SETD4: variants seen among roughly 807,000 people sequenced by gnomAD.
The protein encoded by SETD4 is SET domain-containing protein 4.
SETD4 carries 46 observed loss-of-function variants against 58.3 expected under a neutral mutation model. The ratio of observed to expected loss-of-function variants is 0.79; its 90% CI spans 0.62 to 1.01. SETD4 has a LOEUF of 1.01. Ranked by LOEUF, SETD4 falls within the 50% of genes least tolerant of loss-of-function variation. SETD4 has a pLI of 0.00. For missense variants in SETD4, 490 were observed against 523.3 expected, an observed-to-expected ratio of 0.94 and a Z score of 0.62; for synonymous variants, 190 against 202.6, an observed-to-expected ratio of 0.94 and a Z score of 0.53.
chr21:36,057,837 GGAA>G, intron 2 of SETD4, among the ~76,000 whole-genome samples: 1 of 152,318 alleles, frequency 6.6e-6, no homozygotes, highest in South Asian at 2.1e-4. Flanking sequence ...GCAAATCAGT[GGAA>G]GAAGATAGTC....
intron 3 of SETD4, 120 bp from the exon 4 acceptor site, chr21:36,053,740 T>G: frequency 3.1e-6 from 3 of 966,284 alleles, no homozygotes; most frequent in Non-Finnish European, 4.8e-6. Context: ...GCTGGATGTC[T>G]CTCAGCCTTT....
chr21:36,039,346 C>T (rs2063934042), intron 9 of SETD4, among the ~76,000 whole-genome samples: 1 of 152,216 alleles, frequency 6.6e-6, no homozygotes, highest in African/African-American at 2.4e-5. Flanking sequence ...CACGTGCTTT[C>T]TCCACACCCA....
intron 4 of SETD4, chr21:36,050,434 T>C (rs2064605776): frequency 6.8e-6 from 11 of 1,614,132 alleles, no homozygotes; most frequent in Middle Eastern, 3.3e-4. Flanking sequence ...TACCCACAAG[T>C]GGTGGTAGTC....
Position 36,035,453 on chromosome 21 carries a change from G to A in SETD4, c.*540C>T, listed in dbSNP as rs889090680. 2 of 152,502 alleles carry A rather than the reference G, an allele frequency of 1.3e-5. No individual in the cohort carries two copies. Among genetic ancestry groups the A allele is most frequent in the African/African-American group, 4.8e-5 (2 of 41,458 alleles). 9.4% of individuals were successfully genotyped at this position (152,502 alleles called of 1,614,324 possible). ...TCTTCCCAAGTGAATAATTAGACAA[G>A]CGCCACCTTGAGAGGCCAGGAGCAT... is the stretch of plus-strand genomic sequence containing the variant. On this transcript the variant is annotated 3_prime_UTR_variant, in exon 12 of 12. Coordinates refer to ENST00000332131, the MANE Select transcript of SETD4 (RefSeq NM_017438.5).
chr21:36,045,355 G>C (rs1282545580), intron 6 of SETD4, among the ~76,000 whole-genome samples: 9 of 152,218 alleles, frequency 5.9e-5, no homozygotes, highest in Non-Finnish European at 1.3e-4. Flanking sequence ...AGGCTCTGTA[G>C]GCCTGAAGAG....
At chr21:36,038,323 A>C (rs760515317) in intron 9 of SETD4, 50 bp from the exon 10 acceptor site, 1 of 1,597,576 alleles carries the variant, frequency 6.3e-7, no homozygotes, top group African/African-American at 1.4e-5. Flanking sequence ...CTCAAAAAAC[A>C]GATTTTTTTG....
Position 36,038,287 on chromosome 21 carries a change from G to A in SETD4, c.1065-14C>T. On this transcript the variant is annotated splice_polypyrimidine_tract_variant and intron_variant, in intron 9 of 11. Coordinates refer to ENST00000332131, the MANE Select transcript of SETD4 (RefSeq NM_017438.5). ...TTCCAGCATGTACTAGAACCAAAAT[G>A]TTCCATGACACAATTTTAGCAGGCT... The A allele has an allele frequency of 6.2e-7, 1 of 1,604,320 alleles. No homozygotes were observed. Among genetic ancestry groups the A allele is most frequent in the Non-Finnish European group, 8.5e-7 (1 of 1,177,656 alleles).
intron 9 of SETD4, among the ~76,000 whole-genome samples, chr21:36,040,215 T>TCCGAC (rs2063981680): frequency 1.3e-5 from 2 of 152,226 alleles, no homozygotes; most frequent in African/African-American, 4.8e-5. Flanking sequence ...CGTTAGGGAC[T>TCCGAC]CTAGCTCTAC....
intron 4 of SETD4, chr21:36,050,906 C>A (rs2064646077): frequency 6.2e-7 from 1 of 1,610,344 alleles, no homozygotes; most frequent in Non-Finnish European, 8.5e-7. Context: ...AAAGCAACTG[C>A]TCATTAGGTG....
intron 4 of SETD4, 78 bp downstream of exon 4, chr21:36,053,505 T>C (rs1035295493): frequency 6.9e-7 from 1 of 1,455,960 alleles, no homozygotes; most frequent in East Asian, 2.3e-5. Flanking sequence ...GAAATTTTTT[T>C]AATTCACTTC....
rs2064282643 is a variant in SETD4 at position 36,045,615 on chromosome 21, G to T, written c.693C>A (p.Tyr231Ter). Residue 231 changes from tyrosine to a stop codon, truncating the protein, a stop_gained, in exon 6 of 12, where the codon TAC (tyrosine) becomes TAA (stop). Transcript: ENST00000332131. LOFTEE classifies it high-confidence loss of function. ...AEPDTCALAP[Y>*]LDLLNHSPHV... The stretch of plus-strand genomic sequence containing the variant: ...GTGGGCTATGATTCAGCAGGTCCAG[G>T]TACGGAGCGAGTGCACAGGTGTCCG... 6.2e-7 allele frequency: 1 copy of T among 1,613,980 alleles called. No individual in the cohort carries two copies. The highest frequency in any genetic ancestry group is 8.5e-7 in the Non-Finnish European group (1 of 1,180,018).
At chr21:36,051,622 C>A (rs1243512823) in intron 4 of SETD4, among the ~76,000 whole-genome samples, 1 of 152,070 alleles carries the variant, frequency 6.6e-6, no homozygotes, top group Non-Finnish European at 1.5e-5. Flanking sequence ...CTGTCAGTTA[C>A]CCTTTTAAAT....
At chr21:36,050,718 G>T in intron 4 of SETD4, 1 of 1,612,512 alleles carries the variant, frequency 6.2e-7, no homozygotes, top group South Asian at 1.1e-5. Context: ...AGGTAAAGCT[G>T]TTTTCTTGGC....
chr21:36,044,501 A>T (rs2064215194), intron 6 of SETD4, among the ~76,000 whole-genome samples: 1 of 152,208 alleles, frequency 6.6e-6, no homozygotes, highest in Non-Finnish European at 1.5e-5. Flanking sequence ...GTCCCAATAA[A>T]AATAAATCAC....
At position 36,035,684 on chromosome 21, in the gene SETD4, C is replaced by T. The variant is rs537408665; in HGVS notation, c.*309G>A. 14 of 227,016 alleles carry T rather than the reference C, an allele frequency of 6.2e-5. No homozygotes were observed. The highest frequency in any genetic ancestry group is 1.1e-4 in the Non-Finnish European group (13 of 113,564). The allele number at this position is 227,016 out of a possible 1,614,324, so 14.1% of individuals were successfully genotyped here. A position where few individuals can be genotyped will look rare whatever the true frequency, so the allele number is the denominator to read the frequency against. On this transcript the variant is annotated 3_prime_UTR_variant, in exon 12 of 12. Transcript: ENST00000332131. The stretch of plus-strand genomic sequence containing the variant: ...GCATCTTAAAAGCACAACCACTAGA[C>T]TCTGATAGCTGCTGTGTCAGATAAG...
chr21:36,051,809 G>C (rs1051905292), intron 4 of SETD4, among the ~76,000 whole-genome samples: 21 of 151,892 alleles, frequency 1.4e-4, no homozygotes, highest in Admixed American at 6.5e-4. Flanking sequence ...TAAATTACAG[G>C]AATTTTTGTA....
chr21:36,055,769 TA>T (rs2064956025), intron 3 of SETD4, among the ~76,000 whole-genome samples: 1 of 152,176 alleles, frequency 6.6e-6, no homozygotes. Flanking sequence ...TGCTCACTTT[TA>T]AAAATAGGAA....
intron 2 of SETD4, among the ~76,000 whole-genome samples, chr21:36,057,933 G>C (rs1341535163): frequency 6.6e-6 from 1 of 152,184 alleles, no homozygotes; most frequent in East Asian, 1.9e-4. Flanking sequence ...ACCATATCCA[G>C]TTGGATTTAC....
Position 36,047,782 on chromosome 21 carries a change from A to G in SETD4, c.296+526T>C, listed in dbSNP as rs562353460. ...GAGGCGAGTGGATCACAAGGTCAGG[A>G]GCTCAAGACGAGCCTGGCCAAAATG... On this transcript the variant is annotated intron_variant, in intron 5 of 11. Transcript: ENST00000332131. Among the ~76,000 whole-genome samples the G allele has an allele frequency of 2.1e-5, 3 of 144,702 alleles. No individual in the cohort carries two copies. The South Asian group carries it at 6.7e-4, about 33-fold the overall frequency. The allele number at this position is 144,702 out of a possible 152,430, so 94.9% of individuals were successfully genotyped here. A position where few individuals can be genotyped will look rare whatever the true frequency, so the allele number is the denominator to read the frequency against.
Sources: gnomAD v4.1 joint callset for allele counts (sites outside exome capture counted in the v4.1 genomes callset) on GRCh38, gnomAD v4.1.1 for gene constraint, MANE v1.5 for transcripts, NCBI Gene and HGNC (gene_info 2026-07-23, HGNC 2026-07-21) for gene names.